The following EGLN2 variants were observed in gnomAD, a reference collection of about 807,000 sequenced individuals.
The protein encoded by EGLN2 is egl-9 family hypoxia inducible factor 2, also known as prolyl hydroxylase EGLN2.
EGLN2 carries 15 observed loss-of-function variants against 38.2 expected under a neutral mutation model. The ratio of observed to expected loss-of-function variants is 0.39; its 90% confidence interval spans 0.26 to 0.60. The LOEUF is 0.60. Ranked by LOEUF, EGLN2 falls within the 20% of genes least tolerant of loss-of-function variation. The pLI is 0.50. For missense variants in EGLN2, 492 were observed against 570.4 expected, an observed-to-expected ratio of 0.86 and a Z score of 1.40; for synonymous variants, 284 against 237.4, an observed-to-expected ratio of 1.20 and a Z score of -1.81.
Position 40,807,147 on chromosome 19 carries a change from G to A in EGLN2, c.973G>A (p.Gly325Ser), listed in dbSNP as rs375774477. The A allele has an allele frequency of 6.2e-7, 1 of 1,613,952 alleles. No individual in the cohort carries two copies. The highest frequency in any genetic ancestry group is 8.5e-7 in the Non-Finnish European group (1 of 1,179,988). ...NQNWDVKVHG[G>S]LLQIFPEGRP... is the part of the protein sequence containing the mutation. ...TTTGGCCTGCCCCCAGGTGCATGGC[G>A]GCCTGCTGCAGATCTTCCCTGAGGG... Residue 325 changes from glycine to serine, a missense_variant, in exon 4 of 6, where the codon GGC (glycine) becomes AGC (serine). By Grantham distance (56) the Gly-to-Ser change is moderately conservative. Transcript: ENST00000303961.
At chr19:40,806,986 C>G in intron 3 of EGLN2, 152 bp from the exon 4 acceptor site, 1 of 1,201,504 alleles carries the variant, frequency 8.3e-7, no homozygotes, top group South Asian at 1.5e-5. Context: ...CATGGTGATG[C>G]AGTCTCTGGG....
chr19:40,801,651 C>CTTTTTTTTTTTTTT (rs58809253), intron 2 of EGLN2, among the ~76,000 whole-genome samples: 22 of 102,704 alleles, frequency 2.1e-4, no homozygotes, highest in South Asian at 3.7e-4. Flanking sequence ...CACAGTGGTT[C>CTTTTTTTTTTTTTT]TTTTTTTTTT....
chr19:40,803,430 A>G (rs944872329), intron 2 of EGLN2, among the ~76,000 whole-genome samples: 1 of 152,016 alleles, frequency 6.6e-6, no homozygotes, highest in Admixed American at 6.5e-5. Context: ...GACTGAGAAC[A>G]TAGGGGAGGA....
In EGLN2 at chr19:40,808,235, G is replaced by C; in HGVS notation, c.*371G>C. The stretch of plus-strand genomic sequence containing the variant: ...TGAGGTGAGTCATGGCCTCTTGCTG[G>C]CAATGGGGTGGGAGGAGTACCCCCA... On this transcript the variant is annotated 3_prime_UTR_variant, in exon 6 of 6. Transcript: ENST00000303961. 2.3e-6 allele frequency: 1 copy of C among 437,290 alleles called. No individual in the cohort carries two copies. Among genetic ancestry groups the C allele is most frequent in the Non-Finnish European group, 4.0e-6 (1 of 247,672 alleles). 27.1% of individuals were successfully genotyped at this position (437,290 alleles called of 1,614,324 possible).
At position 40,800,697 on chromosome 19, in the gene EGLN2, G is replaced by A. The variant is rs374175414; in HGVS notation, c.125G>A (p.Cys42Tyr). 14 of 1,614,064 alleles carry A rather than the reference G, an allele frequency of 8.7e-6. No individual in the cohort carries two copies. Among genetic ancestry groups the A allele is most frequent in the Non-Finnish European group, 1.1e-5 (13 of 1,180,012 alleles). ...ATGGGAGTGGAGAGTTACCTGCCCT[G>A]TCCCCTGCTCCCCTCCTACCACTGT... Reference protein sequence around the residue: ...ARMGVESYLPCPLLPSYHCPG... With the variant: ...ARMGVESYLPYPLLPSYHCPG... Residue 42 changes from cysteine to tyrosine, a missense_variant, in exon 2 of 6, where the codon TGT becomes TAT. Cys to Tyr is a radical substitution (Grantham distance 194, BLOSUM62 -2). This residue lies in a region of EGLN2 where 378 missense variants were observed against 386.2 expected (regional missense o/e 0.98). Coordinates refer to ENST00000303961, the MANE Select transcript of EGLN2 (RefSeq NM_080732.4).
In EGLN2 at chr19:40,806,540, C is replaced by T; in HGVS notation, c.844-15C>T. 6.2e-7 allele frequency: 1 copy of T among 1,614,024 alleles called. No individual in the cohort carries two copies. The highest frequency in any genetic ancestry group is 8.5e-7 in the Non-Finnish European group (1 of 1,179,916). On this transcript the variant is annotated splice_polypyrimidine_tract_variant and intron_variant, in intron 2 of 5. Transcript: ENST00000303961. ...GCCTAGCCCCAGTAAACCTACCTCC[C>T]TCCATCCCTGCCAGGCCATGGTGGC... is the stretch of plus-strand genomic sequence containing the variant.
chr19:40,804,645 C>G (rs1283104622), intron 2 of EGLN2: 1 of 152,288 alleles, frequency 6.6e-6, no homozygotes, highest in Non-Finnish European at 1.5e-5. Flanking sequence ...GATTGGATTC[C>G]TAATTGGGGA....
chr19:40,806,517 C>A, intron 2 of EGLN2, 38 bp from the exon 3 acceptor site: 1 of 1,612,586 alleles, frequency 6.2e-7, no homozygotes, highest in South Asian at 1.1e-5. Context: ...ATGTGCCTGC[C>A]TAGCCCCAGT....
intron 3 of EGLN2, 86 bp from the exon 4 acceptor site, chr19:40,807,052 G>T: frequency 6.3e-7 from 1 of 1,580,360 alleles, no homozygotes; most frequent in Non-Finnish European, 8.6e-7. Flanking sequence ...GGCAGACGCT[G>T]CGCCTCCTAG....
intron 2 of EGLN2, among the ~76,000 whole-genome samples, chr19:40,802,239 G>C (rs957004652): frequency 6.6e-6 from 1 of 152,164 alleles, no homozygotes; most frequent in Non-Finnish European, 1.5e-5. Context: ...CCGCTGGGCC[G>C]AGTGCTTGGC....
Position 40,801,651 on chromosome 19 carries a change from C to CTTT in EGLN2, c.843+256_843+258dup, listed in dbSNP as rs58809253. Reference sequence around the variant, plus strand: ...AGTTTGTCCTGGAGCCACAGTGGTTCTTTTTTTTTTTTTTTTTTTTTTCTT... The same window carrying CTTT: ...AGTTTGTCCTGGAGCCACAGTGGTTCTTTTTTTTTTTTTTTTTTTTTTTTTCTT... On this transcript the variant is annotated intron_variant, in intron 2 of 5. Coordinates refer to ENST00000303961, the MANE Select transcript of EGLN2 (RefSeq NM_080732.4). Among the ~76,000 whole-genome samples, 364 of 102,628 alleles carry CTTT rather than the reference C, an allele frequency of 3.5e-3. 3 individuals are homozygous for CTTT. The highest frequency in any genetic ancestry group is 7.2e-3 in the African/African-American group (198 of 27,338). The allele number at this position is 102,628 out of a possible 152,430, so 67.3% of individuals were successfully genotyped here.
At position 40,808,075 on chromosome 19, in the gene EGLN2, G is replaced by A; in HGVS notation, c.*211G>A. 1.7e-6 allele frequency: 1 copy of A among 587,954 alleles called. No individual in the cohort carries two copies. The allele number at this position is 587,954 out of a possible 1,614,324, so 36.4% of individuals were successfully genotyped here. A position where few individuals can be genotyped will look rare whatever the true frequency, so the allele number is the denominator to read the frequency against. On this transcript the variant is annotated 3_prime_UTR_variant, in exon 6 of 6. Coordinates refer to ENST00000303961, the MANE Select transcript of EGLN2 (RefSeq NM_080732.4). The stretch of plus-strand genomic sequence containing the variant: ...GGGGCTGGGGTTGTCACCTGGACAG[G>A]GGGCAGCCGTGGAGGCCACCGTTAC...
chr19:40,806,435 A>G, intron 2 of EGLN2, 120 bp from the exon 3 acceptor site: 2 of 1,522,414 alleles, frequency 1.3e-6, no homozygotes, highest in East Asian at 4.6e-5. Context: ...GGAACCCTTG[A>G]CCCAAGGAGT....
At chr19:40,804,997 A>T (rs953471789) in intron 2 of EGLN2, 9 of 152,294 alleles carry the variant, frequency 5.9e-5, no homozygotes, top group African/African-American at 2.2e-4. Context: ...ACAGAGGGTG[A>T]GCCCTGGGAT....
rs2083245837 is a variant in EGLN2, at chr19:40,800,415, G to A, written c.-158G>A. 3 of 1,172,550 alleles carry A rather than the reference G, an allele frequency of 2.6e-6. No individual in the cohort carries two copies. In the Admixed American group the frequency reaches 8.7e-5, roughly 34 times the overall value. 72.6% of individuals were successfully genotyped at this position (1,172,550 alleles called of 1,614,324 possible). ...GACCAGCAAGCAACCCCCAGGGCAC[G>A]AGAAGAGCTCTTGCTGTCTGCCCTG... On this transcript the variant is annotated 5_prime_UTR_variant, in exon 2 of 6. Coordinates refer to ENST00000303961, the MANE Select transcript of EGLN2 (RefSeq NM_080732.4).
rs1489797900 is a variant in EGLN2, at chr19:40,800,724, C to G, written c.152C>G (p.Pro51Arg). ...PCPLLPSYHC[P>R]GVPSEASAGS... The stretch of plus-strand genomic sequence containing the variant: ...CCCCTGCTCCCCTCCTACCACTGTC[C>G]AGGAGTGCCTAGTGAGGCCTCGGCA... The change falls in exon 2 of 6, where the codon CCA becomes CGA. Residue 51 changes from proline (P) to arginine (R), a missense_variant. Physicochemically the swap from Pro to Arg is moderately radical, Grantham distance 103. This residue lies in a region of EGLN2 where 378 missense variants were observed against 386.2 expected (regional missense o/e 0.98). Transcript: ENST00000303961. 2 of 1,614,024 alleles carry G rather than the reference C, an allele frequency of 1.2e-6. No individual in the cohort carries two copies. The highest frequency in any genetic ancestry group is 2.2e-5 in the East Asian group (1 of 44,890).
In EGLN2 at chr19:40,808,386, G is replaced by T; in HGVS notation, c.*522G>T. 1 of 401,598 alleles carries T rather than the reference G, an allele frequency of 2.5e-6. No homozygotes were observed. The highest frequency in any genetic ancestry group is 4.4e-6 in the Non-Finnish European group (1 of 226,970). 24.9% of individuals were successfully genotyped at this position (401,598 alleles called of 1,614,324 possible). A position where few individuals can be genotyped will look rare whatever the true frequency, so the allele number is the denominator to read the frequency against. ...AAAAGGTGCCAGGAGGAGCATGGGT[G>T]TGGAAGTCCTGTCAGCCAAGAAATA... On this transcript the variant is annotated 3_prime_UTR_variant, in exon 6 of 6. Transcript: ENST00000303961.
chr19:40,807,568 C>T lies in EGLN2; in HGVS notation c.1168+17C>T. On this transcript the variant is annotated intron_variant, in intron 5 of 5. Coordinates refer to ENST00000303961, the MANE Select transcript of EGLN2 (RefSeq NM_080732.4). ...ATCAGCTAGGTACCTGCTTCCCTCC[C>T]TTCAGTCCTTCCTATTCTGTGGGCC... The T allele has an allele frequency of 1.2e-6, 2 of 1,613,706 alleles. No individual in the cohort carries two copies. Among genetic ancestry groups the T allele is most frequent in the Non-Finnish European group, 1.7e-6 (2 of 1,179,676 alleles).
intron 2 of EGLN2, chr19:40,805,361 A>T (rs1030265713): frequency 1.3e-5 from 2 of 152,148 alleles, no homozygotes; most frequent in African/African-American, 4.8e-5. Flanking sequence ...ACCTTTTAAA[A>T]TTTTTAAATG....
Sources: gnomAD v4.1 joint callset for allele counts (sites outside exome capture counted in the v4.1 genomes callset) on GRCh38, gnomAD v4.1.1 for gene constraint, gnomAD v4.1.1 regional missense constraint, MANE v1.5 for transcripts, NCBI Gene and HGNC (gene_info 2026-07-23, HGNC 2026-07-21) for gene names.